The following CUEDC1 variants were observed in gnomAD, a reference collection of about 807,000 sequenced individuals.
CUEDC1 encodes the protein CUE domain-containing protein 1.
A neutral mutation model predicts 43.7 loss-of-function variants in CUEDC1; 30 were observed. The observed-to-expected ratio is 0.69, with a 90% CI of 0.51 to 0.93. The LOEUF is 0.93. CUEDC1 is among the 40% of genes least tolerant of loss of function. CUEDC1 has a pLI of 0.00. For missense variants in CUEDC1, 486 were observed against 549.0 expected (o/e 0.89, Z 1.15); for synonymous variants, 223 against 223.6 (o/e 1.00, Z 0.02).
chr17:57,953,131 A>G (rs1421126905), intron 1 of CUEDC1, among the ~76,000 whole-genome samples: 2 of 152,158 alleles, frequency 1.3e-5, no homozygotes, highest in African/African-American at 2.4e-5. Flanking sequence ...AACACTCTCT[A>G]CTAAAGCACC....
chr17:57,925,316 TG>T lies in CUEDC1; in HGVS notation c.-316+29908del, dbSNP rs559320568. Among the ~76,000 whole-genome samples, 86 of 152,258 alleles carry T rather than the reference TG, an allele frequency of 5.6e-4. 2 individuals carry two copies. In the South Asian group the frequency reaches 0.018, roughly 31 times the overall value. ...CTGAGAAGTCAGGATGAAGAGCTGC[TG>T]GGATGGAATAAACCCCTCCAGGCAG... On this transcript the variant is annotated intron_variant, in intron 1 of 10. Coordinates refer to ENST00000577830, the MANE Select transcript of CUEDC1 (RefSeq NM_001271875.2).
In CUEDC1 at chr17:57,905,924, C is replaced by T. The variant is rs116495841; in HGVS notation, c.-315-20045G>A. Among the ~76,000 whole-genome samples, 683 of 152,278 alleles carry T rather than the reference C, an allele frequency of 4.5e-3. 6 individuals carry two copies. Among genetic ancestry groups the T allele is most frequent in the African/African-American group, 0.014 (600 of 41,546 alleles). ...CTTTGGTGTTCTTACAAGAAATATG[C>T]CTTGTTTCTGCAGTTTAAAATAAGA... is the stretch of plus-strand genomic sequence containing the variant. On this transcript the variant is annotated intron_variant, in intron 1 of 10. Transcript: ENST00000577830.
At chr17:57,947,652 T>G (rs1382019510) in intron 1 of CUEDC1, among the ~76,000 whole-genome samples, 1 of 151,578 alleles carries the variant, frequency 6.6e-6, no homozygotes, top group Non-Finnish European at 1.5e-5. Context: ...CACAAAAAAA[T>G]TAGCTGTTTG....
intron 1 of CUEDC1, among the ~76,000 whole-genome samples, chr17:57,933,808 C>T (rs2074833407): frequency 6.6e-6 from 1 of 152,136 alleles, no homozygotes; most frequent in African/African-American, 2.4e-5. Context: ...AGGCCCAGAA[C>T]ACCTCTATTT....
chr17:57,925,126 A>AC (rs1378195243), intron 1 of CUEDC1, among the ~76,000 whole-genome samples: 30 of 152,082 alleles, frequency 2.0e-4, no homozygotes, highest in Admixed American at 1.7e-3. Flanking sequence ...ATTAAAAAAA[A>AC]AAAAAAGAAC....
chr17:57,944,454 C>A (rs1229188919), intron 1 of CUEDC1, among the ~76,000 whole-genome samples: 1 of 152,182 alleles, frequency 6.6e-6, no homozygotes, highest in Non-Finnish European at 1.5e-5. Flanking sequence ...AGGTGATCTG[C>A]CCGCCTTGGC....
At chr17:57,932,244 A>G (rs2074811502) in intron 1 of CUEDC1, among the ~76,000 whole-genome samples, 1 of 145,440 alleles carries the variant, frequency 6.9e-6, no homozygotes, top group Non-Finnish European at 1.5e-5. Flanking sequence ...ATCGCGCGAC[A>G]GCACTCCAGC....
intron 1 of CUEDC1, among the ~76,000 whole-genome samples, chr17:57,895,631 C>T (rs2074400451): frequency 6.6e-6 from 1 of 152,202 alleles, no homozygotes; most frequent in Non-Finnish European, 1.5e-5. Flanking sequence ...ACCAGCTCAG[C>T]CAAGATATTC....
intron 9 of CUEDC1, 112 bp from the exon 10 acceptor site, chr17:57,866,656 G>A: frequency 9.5e-7 from 1 of 1,050,284 alleles, no homozygotes; most frequent in East Asian, 2.4e-5. Context: ...CCTTCATTTG[G>A]GACCCATGCA....
At chr17:57,923,560 T>C (rs948796606) in intron 1 of CUEDC1, among the ~76,000 whole-genome samples, 4 of 152,236 alleles carry the variant, frequency 2.6e-5, no homozygotes, top group Non-Finnish European at 5.9e-5. Context: ...CAGCATGGCC[T>C]GCCTTGGCTG....
At chr17:57,940,794 A>G (rs193193355) in intron 1 of CUEDC1, among the ~76,000 whole-genome samples, 1 of 152,172 alleles carries the variant, frequency 6.6e-6, no homozygotes, top group African/African-American at 2.4e-5. Flanking sequence ...AGTAGTTTTT[A>G]AAAAAATACA....
chr17:57,942,635 C>T (rs1217339026), intron 1 of CUEDC1, among the ~76,000 whole-genome samples: 4 of 151,964 alleles, frequency 2.6e-5, no homozygotes, highest in African/African-American at 9.7e-5. Flanking sequence ...GTGATCCACC[C>T]GCCTTGGTCT....
At chr17:57,908,841 G>GA (rs1435506425) in intron 1 of CUEDC1, among the ~76,000 whole-genome samples, 1 of 152,066 alleles carries the variant, frequency 6.6e-6, no homozygotes, top group Non-Finnish European at 1.5e-5. Context: ...ACTAAAAATA[G>GA]AAAAAATCAA....
At chr17:57,939,622 G>A (rs1352479705) in intron 1 of CUEDC1, among the ~76,000 whole-genome samples, 1 of 152,096 alleles carries the variant, frequency 6.6e-6, no homozygotes. Context: ...TATCCCTCCT[G>A]TGAGGACCGC....
intron 3 of CUEDC1, among the ~76,000 whole-genome samples, chr17:57,877,927 G>A (rs2074149707): frequency 6.8e-6 from 1 of 147,968 alleles, no homozygotes; most frequent in African/African-American, 2.5e-5. Flanking sequence ...AAATCATTTA[G>A]CCCAGGGCTC....
intron 1 of CUEDC1, among the ~76,000 whole-genome samples, chr17:57,899,424 A>G (rs1327016726): frequency 6.6e-6 from 1 of 152,210 alleles, no homozygotes; most frequent in Non-Finnish European, 1.5e-5. Flanking sequence ...TGGAGCTGCC[A>G]CGGTTAGGGA....
chr17:57,887,347 A>C (rs1234378468), intron 1 of CUEDC1, among the ~76,000 whole-genome samples: 1 of 152,220 alleles, frequency 6.6e-6, no homozygotes, highest in Non-Finnish European at 1.5e-5. Flanking sequence ...ACCACTGGGA[A>C]TGGAATGCGC....
chr17:57,919,699 C>T (rs555661655), intron 1 of CUEDC1, among the ~76,000 whole-genome samples: 1 of 152,166 alleles, frequency 6.6e-6, no homozygotes, highest in African/African-American at 2.4e-5. Flanking sequence ...CTGGGTGTAA[C>T]TTTATTTCTG....
chr17:57,863,443 C>A (rs1466815225), intron 10 of CUEDC1, 158 bp from the exon 11 acceptor site: 1 of 152,232 alleles, frequency 6.6e-6, no homozygotes, highest in Non-Finnish European at 1.5e-5. Context: ...AGAACTCTGC[C>A]TGGGTCATCC....
Sources: allele counts gnomAD v4.1 joint callset (sites outside exome capture counted in the v4.1 genomes callset), GRCh38; gene constraint gnomAD v4.1.1; transcripts MANE v1.5; gene names NCBI Gene and HGNC (gene_info 2026-07-23, HGNC 2026-07-21).